GMCL1: variants seen among roughly 807,000 people sequenced by gnomAD.
GMCL1 encodes the protein germ cell-less 1, spermatogenesis associated.
In GMCL1, 54 loss-of-function variants were observed where a neutral mutation model predicts 75.5. That is an observed-to-expected ratio of 0.71 (90% CI 0.57 to 0.90). The LOEUF is 0.90. Among genes scored for constraint, GMCL1 ranks in the 40% least tolerant of loss-of-function variants. The probability of loss-of-function intolerance (pLI) is 0.00; values close to 1 mark genes in which losing one functional copy is unlikely to be tolerated. For missense variants in GMCL1, 537 were observed against 622.7 expected (o/e 0.86, Z 1.47); for synonymous variants, 210 against 209.6 (o/e 1.00, Z -0.02).
intron 10 of GMCL1, among the ~76,000 whole-genome samples, chr2:69,861,722 T>C (rs184726517): frequency 1.8e-3 from 280 of 152,332 alleles, no homozygotes; most frequent in African/African-American, 6.2e-3. Context: ...TTTCTTATGG[T>C]AGTATTGTCA....
intron 13 of GMCL1, among the ~76,000 whole-genome samples, chr2:69,878,256 A>G (rs1423110948): frequency 2.0e-5 from 3 of 152,222 alleles, no homozygotes; most frequent in East Asian, 1.9e-4. Flanking sequence ...GGAAATGTCA[A>G]TAGTAGGAAC....
chr2:69,871,528 C>T (rs558748703), intron 12 of GMCL1, among the ~76,000 whole-genome samples: 1 of 152,206 alleles, frequency 6.6e-6, no homozygotes, highest in South Asian at 2.1e-4. Flanking sequence ...TATTTTACCA[C>T]AATAAAAACA....
At chr2:69,870,746 T>C (rs551645461) in intron 12 of GMCL1, among the ~76,000 whole-genome samples, 1 of 152,278 alleles carries the variant, frequency 6.6e-6, no homozygotes, top group Non-Finnish European at 1.5e-5. Flanking sequence ...AAATGGCTAA[T>C]AAACACATGA....
intron 9 of GMCL1, among the ~76,000 whole-genome samples, chr2:69,859,341 AT>A (rs1403634191): frequency 1.3e-5 from 2 of 150,850 alleles, no homozygotes; most frequent in Non-Finnish European, 3.0e-5. Flanking sequence ...ATATATATGA[AT>A]TTTTTTAAAT....
intron 1 of GMCL1, among the ~76,000 whole-genome samples, 158 bp downstream of exon 1, chr2:69,830,310 G>A (rs1342326438): frequency 6.6e-6 from 1 of 152,222 alleles, no homozygotes; most frequent in East Asian, 1.9e-4. Flanking sequence ...CCGATGCGGG[G>A]CGGACTGGGG....
intron 13 of GMCL1, among the ~76,000 whole-genome samples, 161 bp downstream of exon 13, chr2:69,871,993 T>G (rs1675995633): frequency 1.3e-5 from 2 of 152,194 alleles, no homozygotes; most frequent in Non-Finnish European, 2.9e-5. Flanking sequence ...CATTCACTTA[T>G]GCATAATTGA....
intron 4 of GMCL1, 77 bp downstream of exon 4, chr2:69,841,116 T>A: frequency 1.1e-6 from 1 of 910,694 alleles, no homozygotes; most frequent in Admixed American, 2.6e-5. Flanking sequence ...AAAACAAAAA[T>A]AAAGCTTAGC....
intron 1 of GMCL1, among the ~76,000 whole-genome samples, chr2:69,837,170 A>G (rs374796702): frequency 1.4e-4 from 21 of 152,202 alleles, no homozygotes; most frequent in Non-Finnish European, 2.9e-4. Context: ...GAGCTCCTTC[A>G]TAGTGCTGGT....
At chr2:69,871,948 TTAAA>T in intron 13 of GMCL1, 116 bp downstream of exon 13, 1 of 664,306 alleles carries the variant, frequency 1.5e-6, no homozygotes, top group South Asian at 1.9e-5. Flanking sequence ...AAAAGTTGGT[TTAAA>T]AGTCTTTTGA....
chr2:69,844,277 AG>A (rs1371491315), intron 6 of GMCL1, 81 bp downstream of exon 6: 1 of 758,812 alleles, frequency 1.3e-6, no homozygotes, highest in African/African-American at 1.8e-5. Context: ...ACATTTTTGT[AG>A]AACACAAAAA....
At chr2:69,861,136 C>T (rs1675630667) in intron 9 of GMCL1, 142 bp from the exon 10 acceptor site, 16 of 584,714 alleles carry the variant, frequency 2.7e-5, no homozygotes, top group Non-Finnish European at 4.1e-5. Context: ...AGCCACCATG[C>T]TTGGCCTAAG....
At chr2:69,841,770 A>G (rs1674994358) in intron 4 of GMCL1, among the ~76,000 whole-genome samples, 3 of 152,226 alleles carry the variant, frequency 2.0e-5, no homozygotes, top group Non-Finnish European at 2.9e-5. Context: ...ACATTTTCAC[A>G]CAGAGTCTTG....
At chr2:69,861,858 G>A (rs773999907) in intron 10 of GMCL1, among the ~76,000 whole-genome samples, 3 of 152,104 alleles carry the variant, frequency 2.0e-5, no homozygotes, top group Non-Finnish European at 2.9e-5. Flanking sequence ...TGAGGTGGGA[G>A]GATCACTTGG....
At chr2:69,850,266 T>G (rs1328950432) in intron 8 of GMCL1, among the ~76,000 whole-genome samples, 1 of 152,180 alleles carries the variant, frequency 6.6e-6, no homozygotes, top group East Asian at 1.9e-4. Context: ...GAGACTGATC[T>G]AAAATTGGTT....
At chr2:69,844,390 G>T in intron 6 of GMCL1, 194 bp downstream of exon 6, 1 of 403,812 alleles carries the variant, frequency 2.5e-6, no homozygotes, top group Non-Finnish European at 4.5e-6. Flanking sequence ...ATAATATAAT[G>T]GATATTATGT....
At chr2:69,831,215 C>G (rs1674661540) in intron 1 of GMCL1, among the ~76,000 whole-genome samples, 1 of 151,990 alleles carries the variant, frequency 6.6e-6, no homozygotes, top group Non-Finnish European at 1.5e-5. Flanking sequence ...CACTGCGCAC[C>G]CGGCCTAAAA....
intron 13 of GMCL1, among the ~76,000 whole-genome samples, chr2:69,878,044 A>C (rs145094560): frequency 6.6e-6 from 1 of 152,184 alleles, no homozygotes; most frequent in Non-Finnish European, 1.5e-5. Flanking sequence ...TATTTACCAA[A>C]TGCTTCTAGT....
intron 11 of GMCL1, chr2:69,869,515 A>G: frequency 2.0e-6 from 1 of 494,054 alleles, no homozygotes; most frequent in East Asian, 3.3e-5. Context: ...TAGCTTAGAG[A>G]ATTATGATCA....
At chr2:69,836,047 A>G (rs532462343) in intron 1 of GMCL1, among the ~76,000 whole-genome samples, 254 of 152,272 alleles carry the variant, frequency 1.7e-3, no homozygotes, top group Admixed American at 2.4e-3. Context: ...CTCCTTATCT[A>G]TACTCTGTGT....
Sources: allele counts gnomAD v4.1 joint callset (sites outside exome capture counted in the v4.1 genomes callset), GRCh38; gene constraint gnomAD v4.1.1; transcripts MANE v1.5; gene names NCBI Gene and HGNC (gene_info 2026-07-23, HGNC 2026-07-21).